COL23A1: variants seen among roughly 807,000 people sequenced by gnomAD.
COL23A1 encodes the protein collagen alpha-1(XXIII) chain.
In COL23A1, 97 loss-of-function variants were observed where a neutral mutation model predicts 99.3. That is an observed-to-expected ratio of 0.98 (90% CI 0.83 to 1.16). COL23A1 has a LOEUF of 1.16. Among genes scored for constraint, COL23A1 ranks in the 50% most tolerant of loss-of-function variants. The pLI is 0.00. For synonymous variants in COL23A1, 320 were observed against 308.2 expected (o/e 1.04, Z -0.40); for missense variants, 762 against 757.4 (o/e 1.01, Z -0.07).
chr5:178,497,014 C>T (rs1040548310), intron 2 of COL23A1, among the ~76,000 whole-genome samples: 1 of 152,152 alleles, frequency 6.6e-6, no homozygotes, highest in African/African-American at 2.4e-5. Flanking sequence ...GTCTTAAGCT[C>T]CTAGAATTCC....
chr5:178,374,012 C>T (rs540893489), intron 2 of COL23A1, among the ~76,000 whole-genome samples: 3 of 152,168 alleles, frequency 2.0e-5, no homozygotes, highest in East Asian at 1.9e-4. Context: ...TTTTCTCTGT[C>T]GGTTGATTTG....
chr5:178,399,107 C>G (rs1430713744), intron 2 of COL23A1, among the ~76,000 whole-genome samples: 1 of 152,236 alleles, frequency 6.6e-6, no homozygotes, highest in Admixed American at 6.5e-5. Flanking sequence ...AGGTCATGCA[C>G]ACGGATGCTG....
At chr5:178,320,359 A>G (rs117963632) in intron 2 of COL23A1, among the ~76,000 whole-genome samples, 1 of 152,268 alleles carries the variant, frequency 6.6e-6, no homozygotes, top group East Asian at 1.9e-4. Context: ...TGAATCGGGA[A>G]GAAGTGGGCA....
chr5:178,541,878 C>T (rs1377917995), intron 2 of COL23A1, among the ~76,000 whole-genome samples: 12 of 152,278 alleles, frequency 7.9e-5, no homozygotes, highest in Non-Finnish European at 1.5e-5. Flanking sequence ...CAGGCAGAAC[C>T]AGTCTCTTAG....
chr5:178,515,982 T>A (rs1759484533), intron 2 of COL23A1, among the ~76,000 whole-genome samples: 2 of 152,000 alleles, frequency 1.3e-5, no homozygotes, highest in Non-Finnish European at 2.9e-5. Flanking sequence ...CTTGGTGGGT[T>A]CCTCAGGCTC....
Position 178,254,987 on chromosome 5 carries a change from C to G in COL23A1, c.922G>C (p.Val308Leu), listed in dbSNP as rs991361302. ...AAGATCCTGCCATCATAGTCGATCA[C>G]CACTGTGTCTCCCTGCTCGCCCTTG... Reference protein sequence around the residue: ...GLKGEQGDTVVIDYDGRILDA... With the variant: ...GLKGEQGDTVLIDYDGRILDA... The change falls in exon 16 of 29, where the codon GTG becomes CTG. Residue 308 changes from valine to leucine, a missense_variant. Val to Leu is a conservative substitution (Grantham distance 32). Transcript: ENST00000390654. 8 of 1,613,656 alleles carry G rather than the reference C, an allele frequency of 5.0e-6. No individual in the cohort carries two copies. In the African/African-American group the frequency reaches 1.1e-4, roughly 22 times the overall value.
At chr5:178,516,877 G>C (rs1759546931) in intron 2 of COL23A1, among the ~76,000 whole-genome samples, 1 of 152,218 alleles carries the variant, frequency 6.6e-6, no homozygotes, top group African/African-American at 2.4e-5. Context: ...AAGAGGAGGA[G>C]GGTACATTAC....
chr5:178,582,564 C>T (rs1326879938), intron 1 of COL23A1, among the ~76,000 whole-genome samples: 1 of 152,302 alleles, frequency 6.6e-6, no homozygotes, highest in South Asian at 2.1e-4. Flanking sequence ...GGGCACAGGG[C>T]TCACAGCGCA....
At chr5:178,261,850 G>C in intron 10 of COL23A1, 102 bp from the exon 11 acceptor site, 1 of 1,017,204 alleles carries the variant, frequency 9.8e-7, no homozygotes, top group Non-Finnish European at 1.5e-6. Flanking sequence ...ACCAATCCCA[G>C]AGAGCAGGAG....
At chr5:178,504,081 A>C (rs1452942543) in intron 2 of COL23A1, among the ~76,000 whole-genome samples, 1 of 152,184 alleles carries the variant, frequency 6.6e-6, no homozygotes, top group Non-Finnish European at 1.5e-5. Flanking sequence ...TGGCTGTACC[A>C]GGTGGAGCTC....
At chr5:178,355,559 GTCTT>G (rs1761595497) in intron 2 of COL23A1, among the ~76,000 whole-genome samples, 1 of 152,154 alleles carries the variant, frequency 6.6e-6, no homozygotes, top group Admixed American at 6.5e-5. Flanking sequence ...TGGAGACAGA[GTCTT>G]GCTCTGTTGC....
chr5:178,385,610 G>A (rs62389383), intron 2 of COL23A1, among the ~76,000 whole-genome samples: 8,997 of 152,236 alleles, frequency 0.059, 721 homozygotes, highest in East Asian at 0.42. Context: ...TTACTCTCAT[G>A]CCCTTCCCCC....
At chr5:178,368,981 T>C (rs1762649836) in intron 2 of COL23A1, among the ~76,000 whole-genome samples, 1 of 152,240 alleles carries the variant, frequency 6.6e-6, no homozygotes, top group Non-Finnish European at 1.5e-5. Context: ...AGGAAATGAA[T>C]GACTGCTCAG....
At chr5:178,405,861 G>C (rs1764735662) in intron 2 of COL23A1, among the ~76,000 whole-genome samples, 1 of 152,120 alleles carries the variant, frequency 6.6e-6, no homozygotes, top group African/African-American at 2.4e-5. Context: ...CCAGCACTTT[G>C]GGAGGTCAAG....
chr5:178,265,171 T>C (rs1465763961), intron 8 of COL23A1, among the ~76,000 whole-genome samples: 3 of 152,162 alleles, frequency 2.0e-5, no homozygotes, highest in Non-Finnish European at 4.4e-5. Context: ...AAACTGCACT[T>C]AACACAAATT....
At chr5:178,551,314 CT>C (rs1761993432) in intron 2 of COL23A1, among the ~76,000 whole-genome samples, 1 of 151,816 alleles carries the variant, frequency 6.6e-6, no homozygotes, top group African/African-American at 2.4e-5. Flanking sequence ...AGCACAGAAA[CT>C]TCAAGATCTT....
At chr5:178,331,961 G>C (rs1219752487) in intron 2 of COL23A1, among the ~76,000 whole-genome samples, 1 of 152,152 alleles carries the variant, frequency 6.6e-6, no homozygotes, top group Non-Finnish European at 1.5e-5. Context: ...CTGGAGGCCT[G>C]GCTGACTAGC....
At position 178,590,016 on chromosome 5, in the gene COL23A1, A is replaced by G; in HGVS notation, c.182T>C (p.Leu61Pro). ...CTCGAGCGCCGCCACCCGGCCCTGCAGCGCGGCCGCCTGGACACCCAGCAG... is the reference window on the plus strand; with the variant it reads ...CTCGAGCGCCGCCACCCGGCCCTGCGGCGCGGCCGCCTGGACACCCAGCAG... ...CLLLGVQAAA[L>P]QGRVAALEEE... The change falls in exon 1 of 29, where the codon CTG becomes CCG. Residue 61 changes from leucine to proline, a missense_variant. Coordinates refer to ENST00000390654, the MANE Select transcript of COL23A1 (RefSeq NM_173465.4). This position sits in a 1 kb window ranked among gnomAD's most constrained non-coding sequence, Gnocchi z 5.7. 7.4e-7 allele frequency: 1 copy of G among 1,351,838 alleles called. No individual in the cohort carries two copies. Among genetic ancestry groups the G allele is most frequent in the Non-Finnish European group, 9.5e-7 (1 of 1,051,320 alleles). The allele number at this position is 1,351,838 out of a possible 1,614,324, so 83.7% of individuals were successfully genotyped here.
intron 18 of COL23A1, among the ~76,000 whole-genome samples, chr5:178,249,835 CAG>C (rs1764935458): frequency 6.6e-6 from 1 of 151,544 alleles, no homozygotes; most frequent in South Asian, 2.1e-4. Flanking sequence ...TCTCCATACA[CAG>C]AGTTACTCAG....
Sources: allele counts gnomAD v4.1 joint callset (sites outside exome capture counted in the v4.1 genomes callset), GRCh38; gene constraint gnomAD v4.1.1; non-coding constraint Gnocchi (gnomAD v3.1); transcripts MANE v1.5; gene names NCBI Gene and HGNC (gene_info 2026-07-23, HGNC 2026-07-21).